Variants in SENP5 observed in about 807,000 individuals in gnomAD.
SENP5 encodes the protein sentrin-specific protease 5.
SENP5 carries 21 observed loss-of-function variants against 74.2 expected under a neutral mutation model. The ratio of observed to expected loss-of-function variants is 0.28; its 90% CI spans 0.20 to 0.41. SENP5 has a LOEUF of 0.41. Ranked by LOEUF, SENP5 falls within the 10% of genes least tolerant of loss-of-function variation. The probability of loss-of-function intolerance (pLI) is 1.00; values close to 1 mark genes in which losing one functional copy is unlikely to be tolerated. For synonymous variants in SENP5, 311 were observed against 312.7 expected (o/e 0.99, Z 0.06); for missense variants, 717 against 889.1 (o/e 0.81, Z 2.46).
intron 1 of SENP5, among the ~76,000 whole-genome samples, chr3:196,872,806 A>C (rs1713272967): frequency 6.6e-6 from 1 of 152,224 alleles, no homozygotes; most frequent in African/African-American, 2.4e-5. Context: ...TGGGCAGAGC[A>C]GATATAGAAT....
chr3:196,929,548 TG>T, intron 8 of SENP5, 84 bp from the exon 9 acceptor site: 1 of 803,344 alleles, frequency 1.2e-6, no homozygotes, highest in Non-Finnish European at 2.1e-6. Flanking sequence ...TCCTATCTTT[TG>T]CGCATTTTTC....
At chr3:196,883,638 G>T (rs1713821998) in intron 1 of SENP5, among the ~76,000 whole-genome samples, 1 of 151,726 alleles carries the variant, frequency 6.6e-6, no homozygotes, top group Non-Finnish European at 1.5e-5. Context: ...ACTTTCATAG[G>T]TATATGTTGC....
At chr3:196,898,188 G>GA (rs1368950583) in intron 2 of SENP5, among the ~76,000 whole-genome samples, 1 of 52,100 alleles carries the variant, frequency 1.9e-5, no homozygotes, top group Non-Finnish European at 5.3e-5. Context: ...TAAAAAAAAA[G>GA]AAAAAAGAAA....
chr3:196,930,676 CGT>C, intron 9 of SENP5, 135 bp from the exon 10 acceptor site: 1 of 630,356 alleles, frequency 1.6e-6, no homozygotes, highest in Non-Finnish European at 2.9e-6. Context: ...TTGCCTTACA[CGT>C]AACCAGTCCC....
chr3:196,905,269 A>G (rs1007646980), intron 6 of SENP5: 4 of 152,180 alleles, frequency 2.6e-5, no homozygotes, highest in African/African-American at 9.7e-5. Flanking sequence ...CTGTCACACC[A>G]CAACAGTAGT....
intron 6 of SENP5, among the ~76,000 whole-genome samples, chr3:196,911,203 G>C (rs1005734774): frequency 6.7e-6 from 1 of 149,044 alleles, no homozygotes; most frequent in African/African-American, 2.4e-5. Context: ...TGCAGCAAAA[G>C]CCAACATGGA....
intron 2 of SENP5, among the ~76,000 whole-genome samples, chr3:196,893,865 G>C (rs998513722): frequency 1.4e-5 from 2 of 147,648 alleles, no homozygotes; most frequent in South Asian, 2.1e-4. Context: ...AGTTGAGATC[G>C]CACCACTGCA....
At chr3:196,927,502 G>A (rs928516778) in intron 7 of SENP5, among the ~76,000 whole-genome samples, 2 of 152,098 alleles carry the variant, frequency 1.3e-5, no homozygotes, top group African/African-American at 4.8e-5. Context: ...CGGGAGCGGT[G>A]GTGTACACCT....
chr3:196,900,525 A>G (rs956102136), intron 5 of SENP5, 113 bp downstream of exon 5: 5 of 814,054 alleles, frequency 6.1e-6, no homozygotes, highest in Non-Finnish European at 7.5e-6. Flanking sequence ...ATTTTTTAAA[A>G]GAAGAGTTCA....
rs1272176940 is a variant in SENP5, at chr3:196,923,624, C to T, written c.2022+73C>T. The T allele has an allele frequency of 4.6e-5, 47 of 1,015,280 alleles. No individual in the cohort carries two copies. In the East Asian group the frequency reaches 8.2e-4, roughly 18 times the overall value. 62.9% of individuals were successfully genotyped at this position (1,015,280 alleles called of 1,614,324 possible). A position where few individuals can be genotyped will look rare whatever the true frequency, so the allele number is the denominator to read the frequency against. ...AATAGCATCTTAGCTCTAGATAGAA[C>T]AGCAGCAGTCAAAACCATATAGGAA... On this transcript the variant is annotated intron_variant, in intron 7 of 9. Transcript: ENST00000323460.
At chr3:196,927,269 G>A (rs1376445723) in intron 7 of SENP5, among the ~76,000 whole-genome samples, 1 of 152,196 alleles carries the variant, frequency 6.6e-6, no homozygotes, top group African/African-American at 2.4e-5. Context: ...CCTCTGTTGA[G>A]CATGGGCAAT....
intron 7 of SENP5, among the ~76,000 whole-genome samples, chr3:196,925,159 C>T (rs1488131023): frequency 2.3e-5 from 3 of 131,742 alleles, no homozygotes; most frequent in African/African-American, 5.4e-5. Flanking sequence ...GATTTGGCCT[C>T]ATTTTGCGTT....
At chr3:196,910,922 A>G (rs184426597) in intron 6 of SENP5, among the ~76,000 whole-genome samples, 8 of 152,284 alleles carry the variant, frequency 5.3e-5, no homozygotes, top group African/African-American at 1.9e-4. Context: ...AACACCACAC[A>G]TACACAACCA....
chr3:196,910,378 G>A (rs867247542), intron 6 of SENP5, among the ~76,000 whole-genome samples: 3 of 105,872 alleles, frequency 2.8e-5, no homozygotes, highest in East Asian at 3.1e-4. Context: ...ATGGAGTCTC[G>A]CTCCATTGCC....
At chr3:196,891,903 G>A (rs1014823875) in intron 2 of SENP5, among the ~76,000 whole-genome samples, 1 of 151,694 alleles carries the variant, frequency 6.6e-6, no homozygotes, top group Non-Finnish European at 1.5e-5. Flanking sequence ...CGATTCTCCT[G>A]CCTCAGCCTC....
At chr3:196,895,783 A>T (rs1399232223) in intron 2 of SENP5, among the ~76,000 whole-genome samples, 1 of 152,062 alleles carries the variant, frequency 6.6e-6, no homozygotes, top group Non-Finnish European at 1.5e-5. Flanking sequence ...CAGCCTCCCA[A>T]AGTGTTAGGA....
At chr3:196,878,910 T>A (rs1189245592) in intron 1 of SENP5, among the ~76,000 whole-genome samples, 2 of 152,224 alleles carry the variant, frequency 1.3e-5, no homozygotes, top group African/African-American at 4.8e-5. Flanking sequence ...CTTTTTATAA[T>A]GTAACTTGTG....
chr3:196,894,359 G>A (rs1251687463), intron 2 of SENP5, among the ~76,000 whole-genome samples: 3 of 151,874 alleles, frequency 2.0e-5, no homozygotes, highest in Middle Eastern at 3.4e-3. Flanking sequence ...CCAAACTCAG[G>A]TGATCCGCCC....
intron 6 of SENP5, among the ~76,000 whole-genome samples, chr3:196,911,370 A>G (rs1398124446): frequency 6.6e-6 from 1 of 152,138 alleles, no homozygotes. Context: ...TACAAGAAAA[A>G]TAAACCATCA....
Sources: allele counts gnomAD v4.1 joint callset (sites outside exome capture counted in the v4.1 genomes callset), GRCh38; gene constraint gnomAD v4.1.1; transcripts MANE v1.5; gene names NCBI Gene and HGNC (gene_info 2026-07-23, HGNC 2026-07-21).